INTU: variants seen among roughly 807,000 people sequenced by gnomAD.
INTU encodes protein inturned.
INTU carries 68 observed loss-of-function variants against 100.5 expected under a neutral mutation model. That is an observed-to-expected ratio of 0.68 (90% confidence interval 0.56 to 0.83). INTU has a LOEUF of 0.83. Ranked by LOEUF, INTU falls within the 40% of genes least tolerant of loss-of-function variation. The pLI is 0.00. For synonymous variants in INTU, 357 were observed against 395.7 expected (o/e 0.90, Z 1.16); for missense variants, 1,071 against 1,114.7 (o/e 0.96, Z 0.56).
chr4:127,691,962 G>GTGTGTATATATATA lies in INTU; in HGVS notation c.1449+4096_1449+4097insGTGTATATATATAT. On this transcript the variant is annotated intron_variant, in intron 8 of 15. Coordinates refer to ENST00000335251, the MANE Select transcript of INTU (RefSeq NM_015693.4). ...GGCGGAGTATAGTGTTCCATGGTAT[G>GTGTGTATATATATA]TATATATATATATATATATGTCACA... Among the ~76,000 whole-genome samples, 15 of 98,226 alleles carry GTGTGTATATATATA rather than the reference G, an allele frequency of 1.5e-4. 1 individual carries two copies. The highest frequency in any genetic ancestry group is 0.011 in the Middle Eastern group (2 of 190). The allele number at this position is 98,226 out of a possible 152,430, so 64.4% of individuals were successfully genotyped here.
chr4:127,715,875 T>G (rs898859403), intron 15 of INTU, among the ~76,000 whole-genome samples: 2 of 152,198 alleles, frequency 1.3e-5, no homozygotes, highest in Non-Finnish European at 2.9e-5. Context: ...ATTTTAACTC[T>G]TTAAGAAAAC....
intron 2 of INTU, among the ~76,000 whole-genome samples, chr4:127,650,619 A>G (rs1727811748): frequency 1.3e-5 from 2 of 151,890 alleles, no homozygotes; most frequent in South Asian, 2.1e-4. Flanking sequence ...CCAGTCTATC[A>G]TTGTTGGACA....
intron 9 of INTU, among the ~76,000 whole-genome samples, chr4:127,700,445 GC>G (rs1197327184): frequency 6.6e-6 from 1 of 152,070 alleles, no homozygotes; most frequent in Non-Finnish European, 1.5e-5. Flanking sequence ...CAATGAAAAG[GC>G]CTAGCAATAG....
chr4:127,663,901 C>G (rs1415625802), intron 4 of INTU, among the ~76,000 whole-genome samples: 1 of 151,876 alleles, frequency 6.6e-6, no homozygotes, highest in Non-Finnish European at 1.5e-5. Flanking sequence ...TGATATGTTT[C>G]CTTGAATTAT....
intron 2 of INTU, among the ~76,000 whole-genome samples, chr4:127,647,926 GC>G (rs1282307769): frequency 9.1e-5 from 13 of 143,058 alleles, no homozygotes; most frequent in African/African-American, 3.5e-4. Flanking sequence ...AGCCCTTGGT[GC>G]CTTATGTAGT....
Position 127,711,051 on chromosome 4 carries a change from T to C in INTU, c.2508T>C (p.His836=), listed in dbSNP as rs149915642. 10 of 1,608,204 alleles carry C rather than the reference T, an allele frequency of 6.2e-6. No individual in the cohort carries two copies. The African/African-American group carries it at 1.3e-4, about 21-fold the overall frequency. The change falls in exon 14 of 16, where the codon CAT becomes CAC. Residue 836 remains histidine, a synonymous_variant. Coordinates refer to ENST00000335251, the MANE Select transcript of INTU (RefSeq NM_015693.4). ...SIHPQLIKNF[H]QCCLSIRAVF... is the part of the protein sequence containing the mutation. Reference sequence around the variant, plus strand: ...ACCCTCAGCTAATAAAGAATTTCCATCAGTGTTGTCTTTCCATTCGTGCAG... The same window carrying C: ...ACCCTCAGCTAATAAAGAATTTCCACCAGTGTTGTCTTTCCATTCGTGCAG...
intron 14 of INTU, 101 bp downstream of exon 14, chr4:127,711,203 T>G: frequency 1.1e-6 from 1 of 902,798 alleles, no homozygotes; most frequent in Non-Finnish European, 1.6e-6. Flanking sequence ...TTCATTTCAT[T>G]AAGTTTTTTT....
At chr4:127,636,382 G>A (rs1405319249) in intron 1 of INTU, among the ~76,000 whole-genome samples, 7 of 152,032 alleles carry the variant, frequency 4.6e-5, no homozygotes, top group African/African-American at 9.6e-5. Context: ...AGGCCGAGGC[G>A]GGCAGATCAC....
rs558834873 is a variant in INTU, at chr4:127,638,771, A to G, written c.147-4750A>G. Among the ~76,000 whole-genome samples, 20 of 152,312 alleles carry G rather than the reference A, an allele frequency of 1.3e-4. No homozygotes were observed. The South Asian group carries it at 3.9e-3, about 30-fold the overall frequency. ...TGCCCTAAAACGTTGCTGGCAGGCTATAAACATACACTTATTCTGCTTAAA... is the reference window on the plus strand; with the variant it reads ...TGCCCTAAAACGTTGCTGGCAGGCTGTAAACATACACTTATTCTGCTTAAA... On this transcript the variant is annotated intron_variant, in intron 1 of 15. Transcript: ENST00000335251.
intron 8 of INTU, among the ~76,000 whole-genome samples, chr4:127,697,978 G>A (rs1730469411): frequency 6.6e-6 from 1 of 152,128 alleles, no homozygotes; most frequent in Non-Finnish European, 1.5e-5. Context: ...AAATAAGCTG[G>A]GTGTGATGGT....
rs753102187 is a variant in INTU, at chr4:127,706,849, C to T, written c.2151C>T (p.Asp717=). Residue 717 remains aspartate, a synonymous_variant, in exon 12 of 16, where the codon GAC becomes GAT. Transcript: ENST00000335251. ...PSPSCSSGGS[D]NGCEGGEDDG... is the part of the protein sequence containing the mutation. ...CTTCCTGTAGTAGTGGAGGATCTGA[C>T]AATGGTTGTGAAGGTGGAGAAGATG... is the stretch of plus-strand genomic sequence containing the variant. 1 of 1,614,076 alleles carries T rather than the reference C, an allele frequency of 6.2e-7. No homozygotes were observed. The highest frequency in any genetic ancestry group is 1.1e-5 in the South Asian group (1 of 91,082).
Position 127,725,491 on chromosome 4 carries a change from A to G in INTU, c.*9055A>G, listed in dbSNP as rs1338900645. Reference sequence around the variant, plus strand: ...TATGTCCCTGAAAATACCATGAACTACTTCTAATACTGATAATTATGAATA... The same window carrying G: ...TATGTCCCTGAAAATACCATGAACTGCTTCTAATACTGATAATTATGAATA... On this transcript the variant is annotated 3_prime_UTR_variant, in exon 16 of 16. Coordinates refer to ENST00000335251, the MANE Select transcript of INTU (RefSeq NM_015693.4). 1 of 152,170 alleles carries G rather than the reference A, an allele frequency of 6.6e-6. No individual in the cohort carries two copies. The highest frequency in any genetic ancestry group is 1.5e-5 in the Non-Finnish European group (1 of 68,028). The allele number at this position is 152,170 out of a possible 1,614,324, so 9.4% of individuals were successfully genotyped here. A position where few individuals can be genotyped will look rare whatever the true frequency, so the allele number is the denominator to read the frequency against.
chr4:127,722,370 G>C lies in INTU; in HGVS notation c.*5934G>C, dbSNP rs766521137. ...AGGGGCACTGGCCTGATGCTAGCCG[G>C]AATGCTCCTGTATGAAGTGTCTGGA... On this transcript the variant is annotated 3_prime_UTR_variant, in exon 16 of 16. Transcript: ENST00000335251. The C allele has an allele frequency of 1.3e-5, 2 of 152,310 alleles. No individual in the cohort carries two copies. Among genetic ancestry groups the C allele is most frequent in the East Asian group, 3.9e-4 (2 of 5,182 alleles). The allele number at this position is 152,310 out of a possible 1,614,324, so 9.4% of individuals were successfully genotyped here.
intron 2 of INTU, among the ~76,000 whole-genome samples, chr4:127,651,982 T>C (rs1054785387): frequency 7.4e-4 from 110 of 149,392 alleles, no homozygotes; most frequent in Non-Finnish European, 1.4e-3. Flanking sequence ...TTTGAAGCAA[T>C]TGTGAATGGG....
intron 3 of INTU, among the ~76,000 whole-genome samples, chr4:127,658,014 G>A (rs947413370): frequency 5.3e-5 from 8 of 152,104 alleles, no homozygotes; most frequent in Non-Finnish European, 1.0e-4. Flanking sequence ...GCAGTGAGAG[G>A]ATGAAGTCGT....
chr4:127,655,656 G>A (rs1728162740), intron 2 of INTU, among the ~76,000 whole-genome samples: 1 of 150,910 alleles, frequency 6.6e-6, no homozygotes, highest in African/African-American at 2.4e-5. Context: ...TAAGTCTGCA[G>A]AGGTTACTGC....
At chr4:127,709,005 C>G (rs956000044) in intron 13 of INTU, among the ~76,000 whole-genome samples, 3 of 152,036 alleles carry the variant, frequency 2.0e-5, no homozygotes, top group African/African-American at 7.2e-5. Flanking sequence ...GGTGTGCTGT[C>G]CAGTTACACC....
At chr4:127,709,724 C>CACACAG (rs1469866505) in intron 13 of INTU, among the ~76,000 whole-genome samples, 1 of 151,706 alleles carries the variant, frequency 6.6e-6, no homozygotes, top group Admixed American at 6.6e-5. Context: ...CACACACACA[C>CACACAG]ACACACACAC....
At chr4:127,640,750 G>T (rs923718964) in intron 1 of INTU, among the ~76,000 whole-genome samples, 2 of 151,100 alleles carry the variant, frequency 1.3e-5, no homozygotes, top group African/African-American at 4.9e-5. Context: ...AAGCTGTATT[G>T]TTAAGTGAGA....
Sources: gnomAD v4.1 joint callset for allele counts (sites outside exome capture counted in the v4.1 genomes callset) on GRCh38, gnomAD v4.1.1 for gene constraint, MANE v1.5 for transcripts, NCBI Gene and HGNC (gene_info 2026-07-23, HGNC 2026-07-21) for gene names.